ATG13: variants seen among roughly 807,000 people sequenced by gnomAD.
ATG13 encodes the protein autophagy related 13, also known as autophagy-related protein 13.
ATG13 carries 23 observed loss-of-function variants against 65.5 expected under a neutral mutation model. The observed-to-expected ratio is 0.35, with a 90% CI of 0.25 to 0.50. ATG13 has a LOEUF of 0.50. Among genes scored for constraint, ATG13 ranks in the 20% least tolerant of loss-of-function variants. The pLI, the probability that ATG13 is intolerant of heterozygous loss-of-function variation, is 0.98. For synonymous variants in ATG13, 252 were observed against 245.2 expected, an observed-to-expected ratio of 1.03 and a Z score of -0.26; for missense variants, 566 against 677.0, an observed-to-expected ratio of 0.84 and a Z score of 1.82.
chr11:46,635,013 G>GT (rs199502237), intron 2 of ATG13, among the ~76,000 whole-genome samples: 166 of 139,058 alleles, frequency 1.2e-3, no homozygotes, highest in African/African-American at 2.6e-3. Context: ...GGTTTTTTTT[G>GT]TTTTTTTTTT....
intron 6 of ATG13, among the ~76,000 whole-genome samples, chr11:46,649,578 A>G (rs1469972886): frequency 1.3e-5 from 2 of 152,190 alleles, no homozygotes; most frequent in Non-Finnish European, 2.9e-5. Context: ...TACAGACTGT[A>G]TGGGTCATGG....
At chr11:46,641,557 A>C (rs1386433483) in intron 2 of ATG13, among the ~76,000 whole-genome samples, 1 of 152,142 alleles carries the variant, frequency 6.6e-6, no homozygotes, top group Non-Finnish European at 1.5e-5. Context: ...AACAACCCAA[A>C]CTAATCTGTG....
chr11:46,645,533 A>T lies in ATG13; in HGVS notation c.150+114A>T, dbSNP rs867822449. The T allele has an allele frequency of 8.9e-5, 78 of 879,558 alleles. No homozygotes were observed. The Middle Eastern group carries it at 1.0e-3, about 12-fold the overall frequency. The allele number at this position is 879,558 out of a possible 1,614,324, so 54.5% of individuals were successfully genotyped here. On this transcript the variant is annotated intron_variant, in intron 4 of 18. Coordinates refer to ENST00000683050, the MANE Select transcript of ATG13 (RefSeq NM_001346311.2). ...ATTTATAGTATTATAAAAGTAAAATATCTAATTCCATTTGATCCATTTACT... is the reference window on the plus strand; with the variant it reads ...ATTTATAGTATTATAAAAGTAAAATTTCTAATTCCATTTGATCCATTTACT...
At position 46,617,610 on chromosome 11, in the gene ATG13, C is replaced by T; in HGVS notation, c.-350C>T. On this transcript the variant is annotated 5_prime_UTR_variant, in exon 1 of 19. Coordinates refer to ENST00000683050, the MANE Select transcript of ATG13 (RefSeq NM_001346311.2). ...AACGATGGCGGCGCCGGGAAGCGAC[C>T]GGCTGCTGGGCTTAAGGCGGGAGTG... 3.0e-6 allele frequency: 1 copy of T among 330,876 alleles called. No individual in the cohort carries two copies. The highest frequency in any genetic ancestry group is 4.9e-5 in the Admixed American group (1 of 20,446). The allele number at this position is 330,876 out of a possible 1,614,324, so 20.5% of individuals were successfully genotyped here.
chr11:46,640,017 T>A (rs1277444816), intron 2 of ATG13, among the ~76,000 whole-genome samples: 1 of 151,832 alleles, frequency 6.6e-6, no homozygotes, highest in Non-Finnish European at 1.5e-5. Context: ...ATTTTTATAT[T>A]TTTTTTTCCT....
At chr11:46,646,084 C>T in intron 5 of ATG13, 95 bp downstream of exon 5, 3 of 1,486,028 alleles carry the variant, frequency 2.0e-6, no homozygotes, top group Non-Finnish European at 2.7e-6. Context: ...CTGCCCCTTT[C>T]CTCTCTGATA....
At chr11:46,637,928 C>T (rs925373625) in intron 2 of ATG13, among the ~76,000 whole-genome samples, 20 of 152,174 alleles carry the variant, frequency 1.3e-4, no homozygotes, top group African/African-American at 4.8e-4. Context: ...AGTTGGAGGA[C>T]GTGGGGACCA....
In ATG13 at chr11:46,645,867, C is replaced by CA. The variant is rs1191840331; in HGVS notation, c.151-2dup. ...TCATGCAAAAGTCCCTTTTGTTTTCCAGTTCAACTTAGCAATCAAAGACAT... is the reference window on the plus strand; with the variant it reads ...TCATGCAAAAGTCCCTTTTGTTTTCCAAGTTCAACTTAGCAATCAAAGACAT... On this transcript the variant is annotated splice_region_variant and splice_polypyrimidine_tract_variant and intron_variant, in intron 4 of 18. Coordinates refer to ENST00000683050, the MANE Select transcript of ATG13 (RefSeq NM_001346311.2). 6.2e-7 allele frequency: 1 copy of CA among 1,613,780 alleles called. No individual in the cohort carries two copies. The highest frequency in any genetic ancestry group is 8.5e-7 in the Non-Finnish European group (1 of 1,179,896).
At chr11:46,640,223 G>T (rs2055500781) in intron 2 of ATG13, among the ~76,000 whole-genome samples, 1 of 152,146 alleles carries the variant, frequency 6.6e-6, no homozygotes, top group African/African-American at 2.4e-5. Context: ...GATGCAAATG[G>T]TTACAAGGAA....
At chr11:46,623,651 C>G (rs1174716810) in intron 1 of ATG13, among the ~76,000 whole-genome samples, 1 of 152,088 alleles carries the variant, frequency 6.6e-6, no homozygotes, top group Non-Finnish European at 1.5e-5. Context: ...TGGTCTCGAA[C>G]TCCTGACCTC....
At chr11:46,655,764 G>A (rs562279196) in intron 7 of ATG13, among the ~76,000 whole-genome samples, 29 of 152,172 alleles carry the variant, frequency 1.9e-4, no homozygotes, top group Middle Eastern at 3.4e-3. Context: ...TTGAGACAGC[G>A]TCTCATCCTT....
intron 1 of ATG13, among the ~76,000 whole-genome samples, chr11:46,620,387 G>A (rs1239578887): frequency 6.6e-6 from 1 of 151,686 alleles, no homozygotes; most frequent in Non-Finnish European, 1.5e-5. Context: ...GAGCCACCGC[G>A]CCAGGCCTGG....
chr11:46,662,010 T>C (rs1264922295), intron 11 of ATG13, among the ~76,000 whole-genome samples: 2 of 152,088 alleles, frequency 1.3e-5, no homozygotes, highest in Non-Finnish European at 2.9e-5. Context: ...GGTTTGAGAA[T>C]TGTCATTCCC....
chr11:46,654,010 T>C (rs186630029), intron 7 of ATG13, among the ~76,000 whole-genome samples: 157 of 152,008 alleles, frequency 1.0e-3, no homozygotes, highest in African/African-American at 3.8e-3. Flanking sequence ...TAGACTGGCC[T>C]GTCCAGGGAG....
chr11:46,643,852 CT>C (rs1398148182), intron 2 of ATG13, among the ~76,000 whole-genome samples: 1 of 152,070 alleles, frequency 6.6e-6, no homozygotes, highest in Non-Finnish European at 1.5e-5. Flanking sequence ...GGAGAAAGGG[CT>C]TTTGTCAATA....
At chr11:46,671,188 G>C (rs542052259) in intron 18 of ATG13, among the ~76,000 whole-genome samples, 53 of 152,206 alleles carry the variant, frequency 3.5e-4, no homozygotes, top group African/African-American at 1.1e-3. Context: ...GTGTCTCCAG[G>C]CCACATTAAA....
intron 18 of ATG13, 108 bp downstream of exon 18, chr11:46,669,640 G>T (rs1293245385): frequency 2.3e-6 from 3 of 1,286,130 alleles, no homozygotes; most frequent in Non-Finnish European, 3.2e-6. Context: ...ATAGGAAAGA[G>T]ACATAATTAG....
At chr11:46,622,591 A>G (rs1320154821) in intron 1 of ATG13, among the ~76,000 whole-genome samples, 1 of 152,182 alleles carries the variant, frequency 6.6e-6, no homozygotes, top group East Asian at 1.9e-4. Context: ...TTCTCTGTAC[A>G]TTCAAACTGC....
intron 1 of ATG13, among the ~76,000 whole-genome samples, chr11:46,627,522 G>A (rs1370086566): frequency 6.6e-6 from 1 of 152,098 alleles, no homozygotes; most frequent in Non-Finnish European, 1.5e-5. Context: ...CCAGGCTGGA[G>A]TGCAATGGCG....
Sources: gnomAD v4.1 joint callset for allele counts (sites outside exome capture counted in the v4.1 genomes callset) on GRCh38, gnomAD v4.1.1 for gene constraint, MANE v1.5 for transcripts, NCBI Gene and HGNC (gene_info 2026-07-23, HGNC 2026-07-21) for gene names.